Variants in PIK3C2G observed in about 807,000 individuals in gnomAD.
PIK3C2G encodes the protein phosphatidylinositol 3-kinase C2 domain-containing subunit gamma.
Under a neutral mutation model 181.1 loss-of-function variants are expected in PIK3C2G, and 168 were observed. That is an observed-to-expected ratio of 0.93 (90% CI 0.82 to 1.05). The LOEUF is 1.05. Ranked by LOEUF, PIK3C2G falls within the 50% of genes least tolerant of loss-of-function variation. The pLI is 0.00. For missense variants in PIK3C2G, 1,869 were observed against 1,732.8 expected, an observed-to-expected ratio of 1.08 and a Z score of -1.40; for synonymous variants, 573 against 592.2, an observed-to-expected ratio of 0.97 and a Z score of 0.47.
intron 31 of PIK3C2G, among the ~76,000 whole-genome samples, chr12:18,614,488 C>T (rs1036254770): frequency 2.6e-5 from 4 of 152,072 alleles, no homozygotes; most frequent in Admixed American, 2.6e-4. Context: ...CTTCACTGGA[C>T]ATTGGCACCA....
At chr12:18,464,507 G>A (rs61914368) in intron 18 of PIK3C2G, among the ~76,000 whole-genome samples, 2,394 of 152,090 alleles carry the variant, frequency 0.016, 29 homozygotes, top group Non-Finnish European at 0.027. Context: ...AAGTTTAAGA[G>A]GCATCAAAAT....
chr12:18,548,500 C>T (rs541502845), intron 26 of PIK3C2G, among the ~76,000 whole-genome samples: 2 of 152,124 alleles, frequency 1.3e-5, no homozygotes, highest in South Asian at 4.1e-4. Context: ...ATGCAACACA[C>T]TGAGATCTGT....
rs185476525 is a variant in PIK3C2G, at chr12:18,305,085, C to T, written c.1035-8877C>T. ...TTTAATCTCCTTCATAGTGCTTCACCTAATATTCTATAATTAACTTTGGTT... is the reference window on the plus strand; with the variant it reads ...TTTAATCTCCTTCATAGTGCTTCACTTAATATTCTATAATTAACTTTGGTT... On this transcript the variant is annotated intron_variant, in intron 5 of 32. Transcript: ENST00000538779. 1.6e-4 allele frequency among the ~76,000 whole-genome samples: 24 copies of T among 152,198 alleles called. No individual in the cohort carries two copies. The East Asian group carries it at 4.4e-3, about 28-fold the overall frequency.
chr12:18,273,480 T>G (rs1389501172), intron 1 of PIK3C2G, among the ~76,000 whole-genome samples: 1 of 152,126 alleles, frequency 6.6e-6, no homozygotes, highest in Non-Finnish European at 1.5e-5. Context: ...CCATATGAAC[T>G]TTAAAGTAGT....
chr12:18,558,381 A>G (rs1465863583), intron 26 of PIK3C2G, among the ~76,000 whole-genome samples: 1 of 152,198 alleles, frequency 6.6e-6, no homozygotes, highest in Non-Finnish European at 1.5e-5. Context: ...TCATTCAACA[A>G]ATATTTTTGG....
chr12:18,513,005 G>T (rs1037926057), intron 24 of PIK3C2G, among the ~76,000 whole-genome samples: 2 of 151,746 alleles, frequency 1.3e-5, no homozygotes, highest in African/African-American at 2.4e-5. Context: ...TATCATGAAG[G>T]TATGTTACAT....
At chr12:18,548,798 A>G (rs527434804) in intron 26 of PIK3C2G, among the ~76,000 whole-genome samples, 1 of 152,086 alleles carries the variant, frequency 6.6e-6, no homozygotes, top group East Asian at 1.9e-4. Context: ...AGGACACATC[A>G]TTTCTCAGTT....
At chr12:18,516,793 A>G (rs940725600) in intron 24 of PIK3C2G, among the ~76,000 whole-genome samples, 2 of 151,822 alleles carry the variant, frequency 1.3e-5, no homozygotes, top group East Asian at 3.9e-4. Context: ...TTTTCTTTCT[A>G]GGATTCCTAT....
At chr12:18,410,599 T>G (rs1236108929) in intron 16 of PIK3C2G, among the ~76,000 whole-genome samples, 1 of 152,130 alleles carries the variant, frequency 6.6e-6, no homozygotes, top group Non-Finnish European at 1.5e-5. Flanking sequence ...GATTTGGTTG[T>G]TCAAAAAGTC....
the PIK3C2G span, chr12:18,685,635 G>GA: frequency 2.9e-5 from 15 of 516,568 alleles, no homozygotes; most frequent in Non-Finnish European, 5.8e-5. Flanking sequence ...GCTCATGCTG[G>GA]AATAATGACC....
chr12:18,617,755 T>C (rs1453671369), intron 31 of PIK3C2G, among the ~76,000 whole-genome samples: 1 of 152,106 alleles, frequency 6.6e-6, no homozygotes. Context: ...CCAGGAAATA[T>C]CCCCAAAGAT....
chr12:18,247,379 G>A (rs1427921551), upstream of PIK3C2G, among the ~76,000 whole-genome samples: 6 of 152,226 alleles, frequency 3.9e-5, no homozygotes, highest in East Asian at 3.9e-4. Flanking sequence ...GTTTGTTGTC[G>A]CGTGCCAGAG....
intron 30 of PIK3C2G, among the ~76,000 whole-genome samples, chr12:18,608,934 T>C (rs1179546856): frequency 6.6e-6 from 1 of 152,096 alleles, no homozygotes; most frequent in African/African-American, 2.4e-5. Flanking sequence ...AATGTCCTAG[T>C]AGTTTAGGCA....
At chr12:18,650,759 T>G (rs1950474744), downstream of PIK3C2G, among the ~76,000 whole-genome samples, 2 of 109,758 alleles carry the variant, frequency 1.8e-5, no homozygotes, top group South Asian at 3.3e-4. Context: ...TATATATATA[T>G]ATATATTCCA....
At chr12:18,574,269 G>A (rs1301643976) in intron 29 of PIK3C2G, among the ~76,000 whole-genome samples, 1 of 152,172 alleles carries the variant, frequency 6.6e-6, no homozygotes, top group Non-Finnish European at 1.5e-5. Flanking sequence ...GCGTTTTGAT[G>A]TAAGAGTGAA....
intron 18 of PIK3C2G, among the ~76,000 whole-genome samples, chr12:18,430,435 G>A (rs377535471): frequency 3.9e-5 from 6 of 152,196 alleles, no homozygotes; most frequent in South Asian, 2.1e-4. Flanking sequence ...AACCTGAAGT[G>A]AGGCTCCCAT....
chr12:18,264,372 G>C (rs1366072950), intron 1 of PIK3C2G, among the ~76,000 whole-genome samples: 2 of 151,820 alleles, frequency 1.3e-5, no homozygotes, highest in Admixed American at 6.6e-5. Context: ...CTCCCCTTCT[G>C]GTATTTTTCA....
At chr12:18,434,966 C>T (rs1017327583) in intron 18 of PIK3C2G, among the ~76,000 whole-genome samples, 1 of 151,458 alleles carries the variant, frequency 6.6e-6, no homozygotes, top group African/African-American at 2.4e-5. Flanking sequence ...AGAGATTTAA[C>T]CTATGGGTAC....
intron 14 of PIK3C2G, among the ~76,000 whole-genome samples, chr12:18,386,565 T>C (rs1943182302): frequency 9.9e-5 from 15 of 152,224 alleles, no homozygotes; most frequent in Admixed American, 9.8e-4. Flanking sequence ...CCAGCTTCTG[T>C]CACTTAGCAT....
Sources: allele counts gnomAD v4.1 joint callset (sites outside exome capture counted in the v4.1 genomes callset), GRCh38; gene constraint gnomAD v4.1.1; transcripts MANE v1.5; gene names NCBI Gene and HGNC (gene_info 2026-07-23, HGNC 2026-07-21).